The following FGGY variants were observed in gnomAD, a reference collection of about 807,000 sequenced individuals.
FGGY encodes FGGY carbohydrate kinase domain-containing protein.
FGGY carries 72 observed loss-of-function variants against 71.3 expected under a neutral mutation model. The ratio of observed to expected loss-of-function variants is 1.01; its 90% CI spans 0.84 to 1.23. The LOEUF (loss-of-function observed/expected upper bound fraction) is 1.23, where lower values mean the gene tolerates loss of function less well. FGGY is among the 50% of genes most tolerant of loss of function. FGGY has a pLI of 0.00. For synonymous variants in FGGY, 251 were observed against 250.3 expected (o/e 1.00, Z -0.02); for missense variants, 668 against 682.3 (o/e 0.98, Z 0.23).
At chr1:59,321,202 C>T (rs956092325) in intron 1 of FGGY, among the ~76,000 whole-genome samples, 2 of 152,168 alleles carry the variant, frequency 1.3e-5, no homozygotes, top group Non-Finnish European at 2.9e-5. Flanking sequence ...AAACTCATCT[C>T]CATTGCCTCC....
intron 2 of FGGY, among the ~76,000 whole-genome samples, chr1:59,326,705 A>G (rs554889718): frequency 2.6e-5 from 4 of 151,864 alleles, no homozygotes; most frequent in African/African-American, 7.2e-5. Flanking sequence ...TCTTTTCTCT[A>G]TTCTTGCATT....
chr1:59,545,512 A>T (rs1010866096), intron 7 of FGGY, among the ~76,000 whole-genome samples: 8 of 152,194 alleles, frequency 5.3e-5, no homozygotes, highest in African/African-American at 1.7e-4. Context: ...AGTAATCTAG[A>T]GGCTGTGTTG....
chr1:59,664,534 AAT>A (rs2097306405), intron 12 of FGGY, among the ~76,000 whole-genome samples: 1 of 152,250 alleles, frequency 6.6e-6, no homozygotes, highest in Non-Finnish European at 1.5e-5. Context: ...TGGTTTTAGA[AAT>A]ATCAAAGATA....
At chr1:59,414,313 G>A (rs1485261436) in intron 5 of FGGY, among the ~76,000 whole-genome samples, 1 of 152,174 alleles carries the variant, frequency 6.6e-6, no homozygotes, top group African/African-American at 2.4e-5. Flanking sequence ...ACCACAAGTA[G>A]GCCTTTATCC....
At chr1:59,541,339 A>G (rs2095437198) in intron 7 of FGGY, among the ~76,000 whole-genome samples, 1 of 152,162 alleles carries the variant, frequency 6.6e-6, no homozygotes. Context: ...GCAAGCAGAC[A>G]GCTGAATGGA....
intron 7 of FGGY, among the ~76,000 whole-genome samples, chr1:59,542,023 A>G: frequency 6.6e-6 from 1 of 152,232 alleles, no homozygotes; most frequent in East Asian, 1.9e-4. Context: ...GCTGCTGCTG[A>G]TGATAACAGC....
chr1:59,688,543 G>A (rs1019343894), intron 14 of FGGY, among the ~76,000 whole-genome samples: 1 of 152,110 alleles, frequency 6.6e-6, no homozygotes, highest in Non-Finnish European at 1.5e-5. Context: ...CTCAGAACAG[G>A]TTTATGTGGA....
intron 8 of FGGY, among the ~76,000 whole-genome samples, chr1:59,568,662 C>T (rs1319086603): frequency 6.6e-6 from 1 of 152,078 alleles, no homozygotes; most frequent in African/African-American, 2.4e-5. Flanking sequence ...TGTCACCTTC[C>T]TAAGGCCCTC....
intron 6 of FGGY, among the ~76,000 whole-genome samples, chr1:59,491,754 A>C (rs2093872016): frequency 6.6e-6 from 1 of 151,582 alleles, no homozygotes; most frequent in Non-Finnish European, 1.5e-5. Context: ...ACATACATAG[A>C]TACCTATTTT....
At chr1:59,341,983 G>T (rs1437380232) in intron 3 of FGGY, among the ~76,000 whole-genome samples, 1 of 152,088 alleles carries the variant, frequency 6.6e-6, no homozygotes, top group Non-Finnish European at 1.5e-5. Context: ...GGTGTTGGGG[G>T]CAGAGTTAGA....
At chr1:59,666,780 T>C (rs2097329994) in intron 12 of FGGY, among the ~76,000 whole-genome samples, 1 of 152,024 alleles carries the variant, frequency 6.6e-6, no homozygotes, top group Admixed American at 6.6e-5. Flanking sequence ...TCACCTTCTT[T>C]ATGCAGTTAG....
At chr1:59,601,030 G>A (rs888517478) in intron 8 of FGGY, among the ~76,000 whole-genome samples, 1 of 149,398 alleles carries the variant, frequency 6.7e-6, no homozygotes, top group African/African-American at 2.5e-5. Flanking sequence ...GAGTTGGCTG[G>A]ATTGTGTATA....
chr1:59,374,629 C>A (rs943245290), intron 4 of FGGY, among the ~76,000 whole-genome samples: 1 of 151,908 alleles, frequency 6.6e-6, no homozygotes, highest in East Asian at 1.9e-4. Context: ...GCACTGTTCA[C>A]AATAGGAAAG....
chr1:59,533,977 C>T (rs139430137), intron 7 of FGGY, among the ~76,000 whole-genome samples: 10,228 of 152,232 alleles, frequency 0.067, 714 homozygotes, highest in African/African-American at 0.18. Flanking sequence ...CAAAGCTGGA[C>T]GGAGAATGAC....
chr1:59,436,047 C>T (rs1436367234), intron 5 of FGGY, among the ~76,000 whole-genome samples: 2 of 152,110 alleles, frequency 1.3e-5, no homozygotes, highest in East Asian at 3.9e-4. Flanking sequence ...GACAGCATCT[C>T]GCTTGAATCC....
chr1:59,370,717 ACT>A (rs2057456371), intron 4 of FGGY, among the ~76,000 whole-genome samples: 1 of 151,622 alleles, frequency 6.6e-6, no homozygotes, highest in Non-Finnish European at 1.5e-5. Context: ...CTTGGCAGAA[ACT>A]CTACAAGCCA....
chr1:59,368,043 G>C (rs1223680470), intron 4 of FGGY, among the ~76,000 whole-genome samples: 1 of 152,084 alleles, frequency 6.6e-6, no homozygotes, highest in South Asian at 2.1e-4. Context: ...TTCTTGAAAA[G>C]ACTAGTTTTT....
intron 10 of FGGY, among the ~76,000 whole-genome samples, chr1:59,633,013 T>C (rs2096922189): frequency 6.7e-6 from 1 of 149,434 alleles, no homozygotes; most frequent in Admixed American, 6.6e-5. Context: ...TTTTTTTTTT[T>C]TTTTTCTTTT....
At chr1:59,388,683 C>T (rs2060357974) in intron 5 of FGGY, among the ~76,000 whole-genome samples, 1 of 152,096 alleles carries the variant, frequency 6.6e-6, no homozygotes, top group Non-Finnish European at 1.5e-5. Flanking sequence ...TACATAATTA[C>T]ATATAATTCA....
Sources: allele counts gnomAD v4.1 joint callset (sites outside exome capture counted in the v4.1 genomes callset), GRCh38; gene constraint gnomAD v4.1.1; transcripts MANE v1.5; gene names NCBI Gene and HGNC (gene_info 2026-07-23, HGNC 2026-07-21).